KRTAP4-16: variants seen among roughly 807,000 people sequenced by gnomAD.
The protein encoded by KRTAP4-16 is keratin-associated protein 4-16.
For synonymous variants in KRTAP4-16, 140 were observed against 88.8 expected, an observed-to-expected ratio of 1.58 and a Z score of -3.24; for missense variants, 378 against 233.5, an observed-to-expected ratio of 1.62 and a Z score of -4.03.
At chr17:41,101,539 TGAGGGGAGGG>T in the KRTAP4-16 span, 698 of 305,000 alleles carry the variant, frequency 2.3e-3, 22 homozygotes, top group East Asian at 0.012. Flanking sequence ...ACTGGGGAAA[TGAGGGGAGGG>T]GAGGGGAGGG....
At chr17:41,101,658 G>A (rs1443805704) in exon 1 of KRTAP4-16, 24 of 562,828 alleles carry the variant, frequency 4.3e-5, no homozygotes, top group East Asian at 1.9e-4. Flanking sequence ...GGGGAGGGGA[G>A]GGGAGGGCAA....
At chr17:41,102,135 G>T (rs762709396) in exon 1 of KRTAP4-16, 4 of 1,538,144 alleles carry the variant, frequency 2.6e-6, no homozygotes, top group Non-Finnish European at 3.6e-6. Context: ...AACAGCTGGG[G>T]TGACAGCAGT....
At chr17:41,102,149 G>T in exon 1 of KRTAP4-16, 2 of 1,506,568 alleles carry the variant, frequency 1.3e-6, no homozygotes, top group Non-Finnish European at 1.8e-6. Context: ...CAGCAGTTGG[G>T]TGGGCTGGCA....
exon 1 of KRTAP4-16, chr17:41,101,913 G>A (rs12453885): frequency 6.2e-7 from 1 of 1,610,982 alleles, no homozygotes; most frequent in East Asian, 2.2e-5. Context: ...AGGTGGGCTG[G>A]AAGCACACGG....
At chr17:41,101,777 G>A (rs745990466) in exon 1 of KRTAP4-16, 94 of 1,539,412 alleles carry the variant, frequency 6.1e-5, no homozygotes, top group Admixed American at 1.5e-4. Flanking sequence ...CAGGTTGGGT[G>A]ATAGCAAGTG....
Position 41,101,601 on chromosome 17 carries a change from G to A in KRTAP4-16, c.609C>T (p.Ser203=), listed in dbSNP as rs538620731. The A allele has an allele frequency of 1.1e-3, 466 of 437,520 alleles. 9 individuals carry two copies. The African/African-American group carries it at 0.016, about 15-fold the overall frequency. The allele number at this position is 437,520 out of a possible 1,614,324, so 27.1% of individuals were successfully genotyped here. A position where few individuals can be genotyped will look rare whatever the true frequency, so the allele number is the denominator to read the frequency against. The change falls in exon 1 of 1, where the codon TCC becomes TCT. Residue 203 remains serine (S), a synonymous_variant. Coordinates refer to ENST00000440582, the Ensembl canonical transcript of KRTAP4-16. ...AAAGTGAAGGGAGAGAAGGGGAAGG[G>A]GAAGGGGAGGGGATTAACACTGGGG...
chr17:41,101,621 C>A lies in KRTAP4-16; in HGVS notation c.589G>T (p.Val197Leu), dbSNP rs553948542. Residue 197 changes from valine (V) to leucine (L), a missense_variant, in exon 1 of 1, where the codon GTG (valine) becomes TTG (leucine). By Grantham distance (32) the Val-to-Leu change is conservative. Transcript: ENST00000440582. ...GAAGGGGAAGGGGAGGGGATTAACA[C>A]TGGGGAGAGGAGGGGAGGGGAAGGG... is the stretch of plus-strand genomic sequence containing the variant. 7.3e-3 allele frequency: 3,019 copies of A among 413,480 alleles called. 16 individuals carry two copies. Among genetic ancestry groups the A allele is most frequent in the Non-Finnish European group, 0.011 (2,465 of 233,342 alleles). The allele number at this position is 413,480 out of a possible 1,614,324, so 25.6% of individuals were successfully genotyped here. A position where few individuals can be genotyped will look rare whatever the true frequency, so the allele number is the denominator to read the frequency against.
chr17:41,101,727 G>A, exon 1 of KRTAP4-16: 1 of 1,264,378 alleles, frequency 7.9e-7, no homozygotes, highest in Non-Finnish European at 1.1e-6. Context: ...GAAGGGGAGG[G>A]GAGGCACAGC....
exon 1 of KRTAP4-16, chr17:41,101,998 G>T: frequency 6.2e-7 from 1 of 1,602,246 alleles, no homozygotes; most frequent in South Asian, 1.1e-5. Context: ...GCAGCAGGTG[G>T]TCTGACAGCA....
the KRTAP4-16 span, chr17:41,101,578 A>AG: frequency 4.5e-6 from 1 of 221,670 alleles, no homozygotes; most frequent in African/African-American, 8.9e-5. Flanking sequence ...GGGAGGGGAA[A>AG]GTGAAGGGAG....
chr17:41,102,147 G>A, exon 1 of KRTAP4-16: 9 of 1,507,330 alleles, frequency 6.0e-6, no homozygotes, highest in Non-Finnish European at 8.3e-6. Flanking sequence ...GACAGCAGTT[G>A]GGTGGGCTGG....
At chr17:41,101,848 G>A (rs780065169) in exon 1 of KRTAP4-16, 9 of 1,603,762 alleles carry the variant, frequency 5.6e-6, no homozygotes, top group Admixed American at 1.7e-5. Flanking sequence ...GCAGCAGCTC[G>A]ATTCACAGCA....
Position 41,101,880 on chromosome 17 carries a change from G to T in KRTAP4-16, c.330C>A (p.Ile110=), listed in dbSNP as rs571557276. 50 of 1,609,724 alleles carry T rather than the reference G, an allele frequency of 3.1e-5. 2 individuals are homozygous for T. In the African/African-American group the frequency reaches 6.0e-4, roughly 19 times the overall value. ...AGCAAGAGGGGCAGCAGCTGCTGGA[G>T]ATGCAGCAGCTGGGGTGGCAGCAGG... The change falls in exon 1 of 1, where the codon ATC becomes ATA. Residue 110 remains isoleucine, a synonymous_variant. Coordinates refer to ENST00000440582, the Ensembl canonical transcript of KRTAP4-16.
exon 1 of KRTAP4-16, chr17:41,102,037 C>T (rs1200901260): frequency 5.6e-6 from 9 of 1,606,138 alleles, no homozygotes; most frequent in Non-Finnish European, 6.8e-6. Flanking sequence ...GGGCTGGCAG[C>T]ACACGGAATG....
exon 1 of KRTAP4-16, chr17:41,101,606 G>A: frequency 2.3e-6 from 1 of 442,090 alleles, no homozygotes; most frequent in South Asian, 2.1e-5. Flanking sequence ...GAAGGGGAAG[G>A]GGAGGGGATT....
exon 1 of KRTAP4-16, chr17:41,102,097 G>A (rs748782270): frequency 2.5e-6 from 4 of 1,583,582 alleles, no homozygotes; most frequent in Admixed American, 3.4e-5. Flanking sequence ...GTGGGAGCAG[G>A]AGGTGGTTCT....
chr17:41,102,147 G>C (rs1567962323), exon 1 of KRTAP4-16: 1 of 1,507,330 alleles, frequency 6.6e-7, no homozygotes, highest in South Asian at 1.1e-5. Context: ...GACAGCAGTT[G>C]GGTGGGCTGG....
chr17:41,101,928 G>T, the KRTAP4-16 span: 1 of 1,610,450 alleles, frequency 6.2e-7, no homozygotes, highest in Non-Finnish European at 8.5e-7. Flanking sequence ...ACACGGAATG[G>T]CAGCACTGGG....
exon 1 of KRTAP4-16, chr17:41,101,531 T>G (rs1597982330): frequency 2.5e-6 from 1 of 402,668 alleles, no homozygotes; most frequent in Non-Finnish European, 4.4e-6. Context: ...GGATTAACAC[T>G]GGGGAAATGA....
Sources: allele counts gnomAD v4.1 joint callset, GRCh38; gene constraint gnomAD v4.1.1; transcripts MANE v1.5; gene names NCBI Gene and HGNC (gene_info 2026-07-23, HGNC 2026-07-21).